The following CDH8 variants were observed in gnomAD, a reference collection of about 807,000 sequenced individuals.
CDH8 encodes cadherin-8.
CDH8 carries 17 observed loss-of-function variants against 68.1 expected under a neutral mutation model. The observed-to-expected ratio is 0.25, with a 90% CI of 0.17 to 0.37. The LOEUF (loss-of-function observed/expected upper bound fraction) is 0.37. CDH8 is among the 10% of genes least tolerant of loss of function. The pLI, the probability that CDH8 is intolerant of heterozygous loss-of-function variation, is 1.00. For missense variants in CDH8, 763 were observed against 999.3 expected, an observed-to-expected ratio of 0.76 and a Z score of 3.19; for synonymous variants, 372 against 365.1, an observed-to-expected ratio of 1.02 and a Z score of -0.21.
At chr16:61,663,096 A>C (rs921046694) in intron 10 of CDH8, among the ~76,000 whole-genome samples, 5 of 151,976 alleles carry the variant, frequency 3.3e-5, no homozygotes, top group Non-Finnish European at 7.4e-5. Flanking sequence ...CAATATTCCT[A>C]AAGTGGTAGT....
chr16:61,988,962 A>G (rs1370637518), intron 2 of CDH8, among the ~76,000 whole-genome samples: 1 of 152,156 alleles, frequency 6.6e-6, no homozygotes, highest in Non-Finnish European at 1.5e-5. Context: ...TTTTTTGGCA[A>G]GAAAAAAATG....
chr16:61,889,289 T>C (rs1352336682), intron 3 of CDH8, among the ~76,000 whole-genome samples: 2 of 152,132 alleles, frequency 1.3e-5, no homozygotes, highest in African/African-American at 2.4e-5. Flanking sequence ...AAATCTATGA[T>C]TGCTAATTAG....
rs560055974 is a variant in CDH8 at position 61,936,296 on chromosome 16, A to AT, written c.253-34824dup. On this transcript the variant is annotated intron_variant, in intron 2 of 11. Coordinates refer to ENST00000577390, the MANE Select transcript of CDH8 (RefSeq NM_001796.5). Reference sequence around the variant, plus strand: ...AATAATGAATAATGAGAGGAGAAGCATGAGTTATGGGGCATTCAGGTAAAC... The same window carrying AT: ...AATAATGAATAATGAGAGGAGAAGCATTGAGTTATGGGGCATTCAGGTAAAC... 7.9e-5 allele frequency among the ~76,000 whole-genome samples: 12 copies of AT among 152,278 alleles called. No homozygotes were observed. In the South Asian group the frequency reaches 2.5e-3, roughly 32 times the overall value.
intron 4 of CDH8, among the ~76,000 whole-genome samples, chr16:61,847,940 G>A (rs1962847642): frequency 6.6e-6 from 1 of 151,070 alleles, no homozygotes; most frequent in African/African-American, 2.4e-5. Flanking sequence ...TATTGTAAAA[G>A]GAGTTATTAC....
chr16:62,015,027 A>G (rs1012027921), intron 2 of CDH8, among the ~76,000 whole-genome samples: 1 of 152,054 alleles, frequency 6.6e-6, no homozygotes, highest in African/African-American at 2.4e-5. Context: ...AAACACACAC[A>G]CACACACAGA....
intron 2 of CDH8, among the ~76,000 whole-genome samples, chr16:61,931,274 C>T (rs1437344549): frequency 6.6e-6 from 1 of 152,100 alleles, no homozygotes. Context: ...ATCTATCCTC[C>T]CACCTCAGCC....
At chr16:61,684,698 T>A (rs974609773) in intron 10 of CDH8, among the ~76,000 whole-genome samples, 1 of 151,996 alleles carries the variant, frequency 6.6e-6, no homozygotes, top group Non-Finnish European at 1.5e-5. Context: ...CAGGAGGTGC[T>A]GACCTGACAG....
chr16:61,689,047 A>G (rs1365930447), intron 10 of CDH8, among the ~76,000 whole-genome samples: 1 of 152,040 alleles, frequency 6.6e-6, no homozygotes, highest in Non-Finnish European at 1.5e-5. Flanking sequence ...CCTAAAGTAT[A>G]GAACCCAAAA....
chr16:61,769,432 T>C (rs1960722061), intron 8 of CDH8, among the ~76,000 whole-genome samples: 1 of 151,868 alleles, frequency 6.6e-6, no homozygotes, highest in South Asian at 2.1e-4. Flanking sequence ...TGACTAACAT[T>C]GCATAACTTC....
chr16:61,833,849 A>G (rs1295375654), intron 4 of CDH8, among the ~76,000 whole-genome samples: 1 of 151,910 alleles, frequency 6.6e-6, no homozygotes, highest in Non-Finnish European at 1.5e-5. Context: ...AAATAGGACT[A>G]CTTGCTTTCT....
Position 61,872,292 on chromosome 16 carries a change from T to C in CDH8, c.548-15054A>G, listed in dbSNP as rs1266592276. Reference sequence around the variant, plus strand: ...TTAAGGTCCCAACCATGACACAGCCTCAGGAGGTCCTGATAACATGTGCCC... The same window carrying C: ...TTAAGGTCCCAACCATGACACAGCCCCAGGAGGTCCTGATAACATGTGCCC... On this transcript the variant is annotated intron_variant, in intron 3 of 11. Coordinates refer to ENST00000577390, the MANE Select transcript of CDH8 (RefSeq NM_001796.5). Among the ~76,000 whole-genome samples, 3 of 152,310 alleles carry C rather than the reference T, an allele frequency of 2.0e-5. No homozygotes were observed. The East Asian group carries it at 5.8e-4, about 29-fold the overall frequency.
intron 8 of CDH8, among the ~76,000 whole-genome samples, chr16:61,783,970 T>C (rs377712306): frequency 3.3e-4 from 50 of 152,026 alleles, no homozygotes; most frequent in East Asian, 1.4e-3. Context: ...CGGTACCAGC[T>C]GCTGCAAAAT....
At chr16:61,707,442 C>A (rs965858799) in intron 10 of CDH8, among the ~76,000 whole-genome samples, 28 of 152,108 alleles carry the variant, frequency 1.8e-4, no homozygotes, top group South Asian at 4.1e-4. Flanking sequence ...AACTATAAAG[C>A]CTGTGCTATT....
intron 3 of CDH8, among the ~76,000 whole-genome samples, chr16:61,887,854 T>C (rs1783534161): frequency 6.6e-6 from 1 of 152,086 alleles, no homozygotes; most frequent in South Asian, 2.1e-4. Context: ...ATGCTTGACA[T>C]ATATAATGCC....
chr16:62,004,717 A>G (rs935585668), intron 2 of CDH8, among the ~76,000 whole-genome samples: 1 of 152,256 alleles, frequency 6.6e-6, no homozygotes, highest in Non-Finnish European at 1.5e-5. Context: ...GTAAAACAAT[A>G]TACTTTAAAT....
chr16:61,698,978 C>G (rs181676947), intron 10 of CDH8, among the ~76,000 whole-genome samples: 11 of 152,218 alleles, frequency 7.2e-5, no homozygotes, highest in East Asian at 5.8e-4. Flanking sequence ...TTATTTGAAC[C>G]CTTTTATACC....
At chr16:61,723,690 T>C (rs922801869) in intron 9 of CDH8, among the ~76,000 whole-genome samples, 4 of 150,726 alleles carry the variant, frequency 2.7e-5, no homozygotes, top group African/African-American at 9.7e-5. Flanking sequence ...TGGTGCTCAG[T>C]AAGTATTTAC....
At chr16:61,960,443 TAC>T (rs146997591) in intron 2 of CDH8, among the ~76,000 whole-genome samples, 1 of 149,320 alleles carries the variant, frequency 6.7e-6, no homozygotes, top group Non-Finnish European at 1.5e-5. Flanking sequence ...ATATGTAAAA[TAC>T]ACACACAAAC....
intron 7 of CDH8, among the ~76,000 whole-genome samples, chr16:61,809,674 A>G (rs546295235): frequency 2.8e-4 from 43 of 152,270 alleles, no homozygotes; most frequent in African/African-American, 1.0e-3. Context: ...GCATCATGAT[A>G]TTTTCATTGC....
Sources: allele counts gnomAD v4.1 joint callset (sites outside exome capture counted in the v4.1 genomes callset), GRCh38; gene constraint gnomAD v4.1.1; transcripts MANE v1.5; gene names NCBI Gene and HGNC (gene_info 2026-07-23, HGNC 2026-07-21).